The following TRPM7 variants were observed in gnomAD, a reference collection of about 807,000 sequenced individuals.
The protein encoded by TRPM7 is LTRPC ion channel family member 7.
A neutral mutation model predicts 229.7 loss-of-function variants in TRPM7; 134 were observed. The observed-to-expected ratio is 0.58, with a 90% CI of 0.51 to 0.67. The LOEUF (loss-of-function observed/expected upper bound fraction) is 0.67. Ranked by LOEUF, TRPM7 falls within the 30% of genes least tolerant of loss-of-function variation. The pLI is 0.00. For synonymous variants in TRPM7, 699 were observed against 715.2 expected (o/e 0.98, Z 0.36); for missense variants, 1,901 against 2,210.0 (o/e 0.86, Z 2.80).
At chr15:50,627,317 G>A (rs2060591024) in intron 11 of TRPM7, among the ~76,000 whole-genome samples, 1 of 152,134 alleles carries the variant, frequency 6.6e-6, no homozygotes. Flanking sequence ...TTAGGGGGAT[G>A]CTATTAAAAT....
intron 1 of TRPM7, among the ~76,000 whole-genome samples, chr15:50,680,366 C>T (rs2140983718): frequency 6.6e-6 from 1 of 152,220 alleles, no homozygotes; most frequent in Middle Eastern, 3.4e-3. Flanking sequence ...CATGCCAAAA[C>T]TCTGTCTCCA....
intron 1 of TRPM7, among the ~76,000 whole-genome samples, chr15:50,666,384 C>T (rs998767118): frequency 2.0e-5 from 3 of 151,256 alleles, no homozygotes; most frequent in Non-Finnish European, 4.4e-5. Flanking sequence ...GAGGCTGCAG[C>T]GAGCTGTGAT....
rs572899953 is a variant in TRPM7, at chr15:50,585,546, A to G, written c.4486+846T>C. The stretch of plus-strand genomic sequence containing the variant: ...AAGAATGAATACTGAATGTTAACCA[A>G]ATCAGCTGTTAAGATGATCTCATGA... On this transcript the variant is annotated intron_variant, in intron 28 of 38. Transcript: ENST00000646667. 2.6e-5 allele frequency among the ~76,000 whole-genome samples: 4 copies of G among 152,322 alleles called. No individual in the cohort carries two copies. In the South Asian group the frequency reaches 8.3e-4, roughly 32 times the overall value.
At chr15:50,625,713 T>C (rs1284094767) in intron 11 of TRPM7, among the ~76,000 whole-genome samples, 1 of 152,226 alleles carries the variant, frequency 6.6e-6, no homozygotes, top group Non-Finnish European at 1.5e-5. Flanking sequence ...ATTTTAAGTA[T>C]ATACTGATGA....
intron 3 of TRPM7, among the ~76,000 whole-genome samples, chr15:50,652,803 T>A (rs1162776547): frequency 6.6e-6 from 1 of 151,900 alleles, no homozygotes; most frequent in African/African-American, 2.4e-5. Flanking sequence ...GAGTTCTAGA[T>A]CAGCTTGGGT....
chr15:50,609,656 T>C lies in TRPM7; in HGVS notation c.2505A>G (p.Lys835=). The change falls in exon 19 of 39, where the codon AAA becomes AAG. Residue 835 remains lysine (K), a synonymous_variant. Coordinates refer to ENST00000646667, the MANE Select transcript of TRPM7 (RefSeq NM_017672.6). ...EGKNEMEIQM[K]SKKLPITRKF... is the part of the protein sequence containing the mutation. ...TTCGCGTAATTGGAAGCTTTTTTGA[T>C]TTCATTTGTATCTCCATCTCATTCT... The C allele has an allele frequency of 2.5e-6, 4 of 1,612,720 alleles. No individual in the cohort carries two copies. In the Middle Eastern group the frequency reaches 5.0e-4, roughly 200 times the overall value.
chr15:50,581,443 G>C (rs2054405316), intron 29 of TRPM7, among the ~76,000 whole-genome samples: 1 of 151,794 alleles, frequency 6.6e-6, no homozygotes, highest in Non-Finnish European at 1.5e-5. Context: ...AGGTTGCAGT[G>C]AGCCAAGATC....
At chr15:50,622,267 T>G (rs559001678) in intron 12 of TRPM7, among the ~76,000 whole-genome samples, 13 of 152,324 alleles carry the variant, frequency 8.5e-5, no homozygotes, top group Non-Finnish European at 1.6e-4. Context: ...TCAATAATTT[T>G]AATGTAAAGG....
intron 22 of TRPM7, among the ~76,000 whole-genome samples, chr15:50,598,369 T>C (rs566767761): frequency 7.4e-4 from 113 of 152,284 alleles, no homozygotes; most frequent in African/African-American, 2.6e-3. Flanking sequence ...AAACTTAATA[T>C]TCTAAGAACA....
intron 19 of TRPM7, among the ~76,000 whole-genome samples, chr15:50,608,073 A>C (rs1036946548): frequency 2.2e-4 from 33 of 150,456 alleles, no homozygotes; most frequent in Non-Finnish European, 3.5e-4. Flanking sequence ...AAAAAAAAGA[A>C]AGAAAGAAAG....
At chr15:50,617,143 T>C (rs1377233651) in intron 13 of TRPM7, among the ~76,000 whole-genome samples, 1 of 89,062 alleles carries the variant, frequency 1.1e-5, no homozygotes, top group Admixed American at 9.6e-5. Context: ...AATAAATAAA[T>C]AAATAAATAA....
At chr15:50,562,567 C>T (rs2053364726) in intron 38 of TRPM7, among the ~76,000 whole-genome samples, 1 of 152,004 alleles carries the variant, frequency 6.6e-6, no homozygotes, top group Non-Finnish European at 1.5e-5. Context: ...GTCAGGAGTT[C>T]AAGAGCAGCC....
rs137875792 is a variant in TRPM7 at position 50,633,182 on chromosome 15, G to A, written c.1008-190C>T. 2.4e-3 allele frequency among the ~76,000 whole-genome samples: 369 copies of A among 152,182 alleles called. 1 individual carries two copies. The highest frequency in any genetic ancestry group is 8.5e-3 in the African/African-American group (354 of 41,548). On this transcript the variant is annotated intron_variant, in intron 8 of 38. Coordinates refer to ENST00000646667, the MANE Select transcript of TRPM7 (RefSeq NM_017672.6). Reference sequence around the variant, plus strand: ...ATGTTAGAAGGAAAATAAATGAAACGGAGTGATTTTTCTCTTTGAATTACT... The same window carrying A: ...ATGTTAGAAGGAAAATAAATGAAACAGAGTGATTTTTCTCTTTGAATTACT...
intron 1 of TRPM7, among the ~76,000 whole-genome samples, chr15:50,666,378 C>T (rs1389955238): frequency 7.2e-5 from 11 of 151,764 alleles, no homozygotes. Context: ...GAGCTCGAGG[C>T]TGCAGCGAGC....
chr15:50,596,155 CAATAA>C (rs1346571591), intron 23 of TRPM7, 95 bp downstream of exon 23: 14 of 777,094 alleles, frequency 1.8e-5, no homozygotes, highest in Non-Finnish European at 2.5e-5. Flanking sequence ...GTTTAAGCCT[CAATAA>C]AATTTTTAGA....
At chr15:50,584,099 T>G (rs568826269) in intron 28 of TRPM7, among the ~76,000 whole-genome samples, 2 of 152,160 alleles carry the variant, frequency 1.3e-5, no homozygotes, top group Non-Finnish European at 2.9e-5. Context: ...GAAATGAACT[T>G]TAGAATTAAG....
At position 50,611,232 on chromosome 15, in the gene TRPM7, T is replaced by C. The variant is rs753306031; in HGVS notation, c.2141A>G (p.Lys714Arg). Residue 714 changes from lysine (K) to arginine (R), a missense_variant, in exon 17 of 39, where the codon AAG (lysine) becomes AGG (arginine). Physicochemically the swap from Lys to Arg is conservative, Grantham distance 26. Around this residue, in one of 8 missense-constraint regions of TRPM7, gnomAD observed 794 missense variants for 881.9 expected, o/e 0.90. Coordinates refer to ENST00000646667, the MANE Select transcript of TRPM7 (RefSeq NM_017672.6). ...AAGGCAGGTTGAATTACTCCAGTTC[T>C]TCAGTTCATAAGTGAGCAATTTCAT... ...MAMKLLTYEL[K>R]NWSNSTCLKL... is the part of the protein sequence containing the mutation. The C allele has an allele frequency of 6.2e-7, 1 of 1,613,874 alleles. No individual in the cohort carries two copies. Among genetic ancestry groups the C allele is most frequent in the Non-Finnish European group, 8.5e-7 (1 of 1,179,956 alleles).
intron 3 of TRPM7, among the ~76,000 whole-genome samples, chr15:50,650,650 G>T (rs570849625): frequency 6.6e-6 from 1 of 151,912 alleles, no homozygotes; most frequent in Non-Finnish European, 1.5e-5. Flanking sequence ...AGCCGAGATC[G>T]TGCCACTGCA....
intron 1 of TRPM7, among the ~76,000 whole-genome samples, chr15:50,665,694 C>T (rs2061861447): frequency 6.6e-6 from 1 of 152,088 alleles, no homozygotes; most frequent in African/African-American, 2.4e-5. Flanking sequence ...TAAGTGATTA[C>T]ATTTAAAAAT....
Sources: allele counts gnomAD v4.1 joint callset (sites outside exome capture counted in the v4.1 genomes callset), GRCh38; gene constraint gnomAD v4.1.1; regional missense constraint gnomAD v4.1.1; transcripts MANE v1.5; gene names NCBI Gene and HGNC (gene_info 2026-07-23, HGNC 2026-07-21).